The following ISCU variants were observed in gnomAD, a reference collection of about 807,000 sequenced individuals.
The protein encoded by ISCU is iron-sulfur cluster assembly enzyme ISCU.
Under a neutral mutation model 18.4 loss-of-function variants are expected in ISCU, and 13 were observed. The ratio of observed to expected loss-of-function variants is 0.71; its 90% CI spans 0.46 to 1.12. The LOEUF (loss-of-function observed/expected upper bound fraction) is 1.12, where lower values mean the gene tolerates loss of function less well. Among genes scored for constraint, ISCU ranks in the 50% most tolerant of loss-of-function variants. The pLI, the probability that ISCU is intolerant of heterozygous loss-of-function variation, is 0.00. For synonymous variants in ISCU, 104 were observed against 87.5 expected, an observed-to-expected ratio of 1.19 and a Z score of -1.06; for missense variants, 229 against 208.7, an observed-to-expected ratio of 1.10 and a Z score of -0.60.
intron 3 of ISCU, among the ~76,000 whole-genome samples, 163 bp downstream of exon 3, chr12:108,565,594 CTTG>C (rs2030859816): frequency 6.6e-6 from 1 of 151,906 alleles, no homozygotes. Flanking sequence ...GGGTTTTTTT[CTTG>C]TTGATCATTT....
In ISCU at chr12:108,569,211, G is replaced by A. The variant is rs186012235; in HGVS notation, c.*295G>A. On this transcript the variant is annotated 3_prime_UTR_variant, in exon 5 of 5. Coordinates refer to ENST00000311893, the MANE Select transcript of ISCU (RefSeq NM_213595.4). ...ATGAAGTTGCAAGTTTTGATAGCCC[G>A]TGAAGTGCATAAGTATCTAATTTTA... The A allele has an allele frequency of 2.1e-5, 9 of 422,194 alleles. No homozygotes were observed. Among genetic ancestry groups the A allele is most frequent in the Admixed American group, 1.1e-4 (3 of 26,696 alleles). The allele number at this position is 422,194 out of a possible 1,614,324, so 26.2% of individuals were successfully genotyped here.
upstream of ISCU, among the ~76,000 whole-genome samples, chr12:108,561,704 G>C (rs902941695): frequency 6.6e-6 from 1 of 152,114 alleles, no homozygotes; most frequent in Non-Finnish European, 1.5e-5. Context: ...ATACACGTGA[G>C]TTTTCCGGTT....
Position 108,568,801 on chromosome 12 carries a change from C to CT in ISCU, c.419-28dup, listed in dbSNP as rs746829985. 59 of 1,602,700 alleles carry CT rather than the reference C, an allele frequency of 3.7e-5. 1 individual carries two copies. The South Asian group carries it at 6.7e-4, about 18-fold the overall frequency. On this transcript the variant is annotated intron_variant, in intron 4 of 4. Coordinates refer to ENST00000311893, the MANE Select transcript of ISCU (RefSeq NM_213595.4). Reference sequence around the variant, plus strand: ...AGTCCATTTCTTTCACATCTAGAAACTTAGGCTTCTTTCCTTCCGTTACTT... The same window carrying CT: ...AGTCCATTTCTTTCACATCTAGAAACTTTAGGCTTCTTTCCTTCCGTTACTT...
intron 3 of ISCU, among the ~76,000 whole-genome samples, chr12:108,566,831 C>G (rs1216921989): frequency 6.6e-6 from 1 of 152,318 alleles, no homozygotes; most frequent in South Asian, 2.1e-4. Flanking sequence ...ATCGGAGAAG[C>G]TGATATTCAC....
At chr12:108,565,104 C>T in intron 2 of ISCU, 3 of 578,376 alleles carry the variant, frequency 5.2e-6, no homozygotes, top group African/African-American at 1.9e-5. Context: ...ACATATTTTT[C>T]AGCTGATCTT....
At position 108,567,219 on chromosome 12, in the gene ISCU, A is replaced by G. The variant is rs751918177; in HGVS notation, c.369A>G (p.Thr123=). The change falls in exon 4 of 5, where the codon ACA becomes ACG. Residue 123 remains threonine (T), a synonymous_variant. Coordinates refer to ENST00000311893, the MANE Select transcript of ISCU (RefSeq NM_213595.4). ...AGGAAGCCTTGACTATCAAAAACAC[A>G]GATATCGCCAAGGAGCTCTGCCTTC... The part of the protein sequence containing the change: ...TVEEALTIKN[T]DIAKELCLPP... The G allele has an allele frequency of 1.7e-5, 27 of 1,613,940 alleles. No homozygotes were observed. In the African/African-American group the frequency reaches 2.8e-4, roughly 17 times the overall value.
chr12:108,561,469 G>T (rs2030558584), upstream of ISCU: 2 of 340,868 alleles, frequency 5.9e-6, no homozygotes, highest in Admixed American at 9.2e-5. Flanking sequence ...CTGTAGTGAA[G>T]AATTTGGCGC....
In ISCU at chr12:108,569,158, G is replaced by T. The variant is rs2031039253; in HGVS notation, c.*242G>T. On this transcript the variant is annotated 3_prime_UTR_variant, in exon 5 of 5. Coordinates refer to ENST00000311893, the MANE Select transcript of ISCU (RefSeq NM_213595.4). Reference sequence around the variant, plus strand: ...CTAGTTAATGTATATTTTGAATTGTGTGTATGACCTCAGAACTGAAATTGA... The same window carrying T: ...CTAGTTAATGTATATTTTGAATTGTTTGTATGACCTCAGAACTGAAATTGA... 1 of 525,688 alleles carries T rather than the reference G, an allele frequency of 1.9e-6. No homozygotes were observed. Among genetic ancestry groups the T allele is most frequent in the African/African-American group, 1.9e-5 (1 of 52,286 alleles). The allele number at this position is 525,688 out of a possible 1,614,324, so 32.6% of individuals were successfully genotyped here.
intron 4 of ISCU, chr12:108,567,857 G>A: frequency 1.4e-6 from 2 of 1,472,838 alleles, no homozygotes; most frequent in Non-Finnish European, 1.8e-6. Context: ...CTTGTACTTG[G>A]CTTTCCAGTT....
At chr12:108,568,260 C>G in intron 4 of ISCU, 1 of 1,170,692 alleles carries the variant, frequency 8.5e-7, no homozygotes, top group Non-Finnish European at 1.1e-6. Flanking sequence ...TGCTGTCATT[C>G]CAGCTCTCTC....
chr12:108,565,359 G>C lies in ISCU; in HGVS notation c.267G>C (p.Arg89Ser). ...VDEKGKIVDA[R>S]FKTFGCGSAI... is the part of the protein sequence containing the mutation. Reference sequence around the variant, plus strand: ...AAAAGGGGAAGATTGTGGATGCTAGGTTTAAAACATTTGGCTGTGGTTCCG... The same window carrying C: ...AAAAGGGGAAGATTGTGGATGCTAGCTTTAAAACATTTGGCTGTGGTTCCG... The change falls in exon 3 of 5, where the codon AGG becomes AGC. Residue 89 changes from arginine (R) to serine (S), a missense_variant. Coordinates refer to ENST00000311893, the MANE Select transcript of ISCU (RefSeq NM_213595.4). The C allele has an allele frequency of 6.2e-7, 1 of 1,614,132 alleles. No homozygotes were observed. The highest frequency in any genetic ancestry group is 8.5e-7 in the Non-Finnish European group (1 of 1,179,998).
At chr12:108,564,179 G>A in intron 1 of ISCU, 100 bp from the exon 2 acceptor site, 6 of 1,585,156 alleles carry the variant, frequency 3.8e-6, no homozygotes, top group Non-Finnish European at 5.2e-6. Context: ...TTTAGTGATT[G>A]CCTGCCAGGT....
intron 1 of ISCU, chr12:108,563,662 T>C (rs944724765): frequency 3.7e-6 from 1 of 270,594 alleles, no homozygotes; most frequent in South Asian, 3.8e-5. Context: ...CTCCTCCCCC[T>C]CCCGGGGGTG....
chr12:108,567,561 C>G (rs1392071673), intron 4 of ISCU: 1 of 990,408 alleles, frequency 1.0e-6, no homozygotes, highest in Non-Finnish European at 1.5e-6. Context: ...TTACTTCCCT[C>G]TTATGGATGA....
At chr12:108,568,754 G>T in intron 4 of ISCU, 77 bp from the exon 5 acceptor site, 1 of 1,555,502 alleles carries the variant, frequency 6.4e-7, no homozygotes, top group East Asian at 2.4e-5. Context: ...CTTCCTCCCA[G>T]CTCTTAAAGA....
intron 4 of ISCU, chr12:108,568,016 G>T: frequency 6.6e-7 from 1 of 1,523,426 alleles, no homozygotes. Flanking sequence ...CTCTTGCCAA[G>T]GTAATACTCA....
chr12:108,567,757 G>T (rs546618068), intron 4 of ISCU: 1 of 1,535,570 alleles, frequency 6.5e-7, no homozygotes, highest in African/African-American at 1.4e-5. Flanking sequence ...TTCCTGTCGG[G>T]GTCTGCATCT....
chr12:108,567,699 C>T (rs1326602632), intron 4 of ISCU: 18 of 1,535,874 alleles, frequency 1.2e-5, no homozygotes, highest in Admixed American at 7.8e-5. Flanking sequence ...TCAGCTTTCG[C>T]CATAATCCTG....
At chr12:108,564,225 G>C (rs1470995292) in intron 1 of ISCU, 54 bp from the exon 2 acceptor site, 1 of 1,563,534 alleles carries the variant, frequency 6.4e-7, no homozygotes, top group Non-Finnish European at 8.8e-7. Flanking sequence ...CATCAAACCA[G>C]AGACCAGTAC....
Sources: gnomAD v4.1 joint callset for allele counts (sites outside exome capture counted in the v4.1 genomes callset) on GRCh38, gnomAD v4.1.1 for gene constraint, MANE v1.5 for transcripts, NCBI Gene and HGNC (gene_info 2026-07-23, HGNC 2026-07-21) for gene names.